PRELID2: variants seen among roughly 807,000 people sequenced by gnomAD.
The protein encoded by PRELID2 is PRELI domain containing 2, also known as PRELI domain-containing protein 2.
A neutral mutation model predicts 28.4 loss-of-function variants in PRELID2; 25 were observed. The observed-to-expected ratio is 0.88, with a 90% CI of 0.64 to 1.23. The LOEUF (loss-of-function observed/expected upper bound fraction) is 1.23, where lower values mean the gene tolerates loss of function less well. Among genes scored for constraint, PRELID2 ranks in the 50% most tolerant of loss-of-function variants. The pLI, the probability that PRELID2 is intolerant of heterozygous loss-of-function variation, is 0.00. For synonymous variants in PRELID2, 76 were observed against 71.6 expected (o/e 1.06, Z -0.31); for missense variants, 201 against 214.4 (o/e 0.94, Z 0.39).
In PRELID2 at chr5:145,800,210, A is replaced by G. The variant is rs182631314; in HGVS notation, c.369-3663T>C. On this transcript the variant is annotated intron_variant, in intron 4 of 6. Transcript: ENST00000683046. ...CTCTTAATTAGACCTCACTAATAGCAGTAGCCTCTACATTTAGATCATGCA... is the reference window on the plus strand; with the variant it reads ...CTCTTAATTAGACCTCACTAATAGCGGTAGCCTCTACATTTAGATCATGCA... Among the ~76,000 whole-genome samples the G allele has an allele frequency of 4.4e-3, 672 of 151,926 alleles. 4 individuals carry two copies. The highest frequency in any genetic ancestry group is 5.7e-3 in the Non-Finnish European group (389 of 67,960).
rs1226462665 is a variant in PRELID2 at position 145,796,424 on chromosome 5, A to G, written c.474+18T>C. On this transcript the variant is annotated intron_variant, in intron 5 of 6. Transcript: ENST00000683046. ...GTTTTTTAAAATTAATGTTGGTTCA[A>G]AGCAGAAATATGGTTACCTTCTGGG... is the stretch of plus-strand genomic sequence containing the variant. The G allele has an allele frequency of 5.8e-6, 9 of 1,550,110 alleles. No homozygotes were observed. The highest frequency in any genetic ancestry group is 1.4e-5 in the African/African-American group (1 of 73,692).
the PRELID2 span, chr5:145,230,070 G>A: frequency 1.5e-6 from 1 of 662,660 alleles, no homozygotes; most frequent in Non-Finnish European, 2.8e-6. Flanking sequence ...TGTACCATGA[G>A]GAGCTGGGGC....
At chr5:145,614,342 CT>C (rs1192355113) in intron 1 of PRELID2, among the ~76,000 whole-genome samples, 16 of 152,152 alleles carry the variant, frequency 1.1e-4, no homozygotes, top group African/African-American at 3.6e-4. Context: ...ATTGTGTTTT[CT>C]AATTCTATGA....
At chr5:145,829,035 G>C in intron 1 of PRELID2, among the ~76,000 whole-genome samples, 1 of 151,490 alleles carries the variant, frequency 6.6e-6, no homozygotes, top group South Asian at 2.1e-4. Flanking sequence ...TTGTGTCTGT[G>C]TGGTTTGGGG....
chr5:145,238,160 G>A, the PRELID2 span, among the ~76,000 whole-genome samples: 1 of 152,044 alleles, frequency 6.6e-6, no homozygotes, highest in African/African-American at 2.4e-5. Context: ...TATGAAAAGG[G>A]CCACATTACA....
chr5:145,404,389 C>T, the PRELID2 span, among the ~76,000 whole-genome samples: 2 of 152,300 alleles, frequency 1.3e-5, no homozygotes, highest in Admixed American at 1.3e-4. Context: ...CCCATAACAG[C>T]TTTGCCTCTT....
intron 3 of PRELID2, among the ~76,000 whole-genome samples, chr5:145,818,994 G>A (rs954726684): frequency 2.0e-5 from 3 of 152,140 alleles, no homozygotes; most frequent in African/African-American, 7.2e-5. Flanking sequence ...CCATGATAGT[G>A]AATAAGTCTC....
At chr5:145,718,943 A>C (rs1755913571) in intron 1 of PRELID2, among the ~76,000 whole-genome samples, 1 of 152,050 alleles carries the variant, frequency 6.6e-6, no homozygotes, top group African/African-American at 2.4e-5. Flanking sequence ...TAAATAAATA[A>C]AATAAAAGCA....
At chr5:145,405,699 G>GTTTTTTTTTTTTTTTTTTT in the PRELID2 span, among the ~76,000 whole-genome samples, 12 of 45,992 alleles carry the variant, frequency 2.6e-4, 5 homozygotes, top group African/African-American at 7.5e-5. Context: ...GTACCACATA[G>GTTTTTTTTTTTTTTTTTTT]TTGTTTTTTT....
chr5:145,544,694 A>G (rs1296790457), intron 1 of PRELID2, among the ~76,000 whole-genome samples: 2 of 152,100 alleles, frequency 1.3e-5, no homozygotes, highest in African/African-American at 2.4e-5. Context: ...AATACAGTTC[A>G]TTTTAAGTTC....
At chr5:145,241,335 G>C in the PRELID2 span, among the ~76,000 whole-genome samples, 344 of 152,106 alleles carry the variant, frequency 2.3e-3, 1 homozygote, top group African/African-American at 8.1e-3. Flanking sequence ...AAAGGACCTA[G>C]AGCAGGTGGA....
intron 1 of PRELID2, among the ~76,000 whole-genome samples, chr5:145,615,649 T>G (rs1753688156): frequency 1.3e-5 from 2 of 152,110 alleles, no homozygotes; most frequent in Admixed American, 6.5e-5. Flanking sequence ...AGGTGGTAGA[T>G]AGTTGGTTGG....
the PRELID2 span, among the ~76,000 whole-genome samples, chr5:145,443,958 G>T: frequency 6.6e-6 from 1 of 152,026 alleles, no homozygotes; most frequent in African/African-American, 2.4e-5. Context: ...CTGTATTCAG[G>T]TAGCACATTT....
chr5:145,683,367 C>T (rs1255316435), intron 1 of PRELID2, among the ~76,000 whole-genome samples: 2 of 152,156 alleles, frequency 1.3e-5, no homozygotes, highest in African/African-American at 4.8e-5. Context: ...AATATCATAA[C>T]CAGTATACTG....
chr5:145,279,522 G>T, the PRELID2 span, among the ~76,000 whole-genome samples: 1 of 152,084 alleles, frequency 6.6e-6, no homozygotes, highest in South Asian at 2.1e-4. Context: ...TAATGTTAAG[G>T]CCAGGTTTAA....
chr5:145,721,844 C>G (rs143536421), intron 1 of PRELID2, among the ~76,000 whole-genome samples: 3 of 152,038 alleles, frequency 2.0e-5, no homozygotes, highest in Non-Finnish European at 4.4e-5. Flanking sequence ...CCAGAAAAAC[C>G]TTTTAATGTA....
chr5:145,289,638 T>C, the PRELID2 span, among the ~76,000 whole-genome samples: 1 of 152,224 alleles, frequency 6.6e-6, no homozygotes. Flanking sequence ...CTAGATCATA[T>C]GGTAAGACTA....
At chr5:145,552,718 G>A (rs755416619) in intron 1 of PRELID2, among the ~76,000 whole-genome samples, 1 of 152,030 alleles carries the variant, frequency 6.6e-6, no homozygotes, top group Non-Finnish European at 1.5e-5. Context: ...TATTGTTTGG[G>A]TCTGCTTTTC....
chr5:145,246,091 C>A, the PRELID2 span, among the ~76,000 whole-genome samples: 1 of 151,846 alleles, frequency 6.6e-6, no homozygotes. Context: ...TACACAAAAT[C>A]GAAGTGAAGA....
Sources: allele counts gnomAD v4.1 joint callset (sites outside exome capture counted in the v4.1 genomes callset), GRCh38; gene constraint gnomAD v4.1.1; transcripts MANE v1.5; gene names NCBI Gene and HGNC (gene_info 2026-07-23, HGNC 2026-07-21).